SHISA9: variants seen among roughly 807,000 people sequenced by gnomAD.
SHISA9 encodes the protein shisa family member 9, also known as protein shisa-9.
Under a neutral mutation model 38.0 loss-of-function variants are expected in SHISA9, and 13 were observed. The ratio of observed to expected loss-of-function variants is 0.34; its 90% CI spans 0.22 to 0.54. The LOEUF (loss-of-function observed/expected upper bound fraction) is 0.54. SHISA9 is among the 20% of genes least tolerant of loss of function. The probability of loss-of-function intolerance (pLI) is 0.91; values close to 1 mark genes in which losing one functional copy is unlikely to be tolerated. For synonymous variants in SHISA9, 275 were observed against 242.0 expected (o/e 1.14, Z -1.27); for missense variants, 538 against 575.8 (o/e 0.93, Z 0.67).
At chr16:13,123,118 A>C (rs1357401302) in intron 2 of SHISA9, among the ~76,000 whole-genome samples, 1 of 150,866 alleles carries the variant, frequency 6.6e-6, no homozygotes, top group Non-Finnish European at 1.5e-5. Flanking sequence ...TAATGCAAAT[A>C]AACAGGATAG....
intron 1 of SHISA9, among the ~76,000 whole-genome samples, chr16:12,907,152 T>TCCCC (rs1475806392): frequency 4.2e-5 from 2 of 47,158 alleles, no homozygotes; most frequent in African/African-American, 1.4e-4. Context: ...CCTCCCTCCC[T>TCCCC]CCCTCCTTCC....
chr16:13,217,088 G>C (rs1265643197), intron 4 of SHISA9, among the ~76,000 whole-genome samples: 1 of 151,256 alleles, frequency 6.6e-6, no homozygotes, highest in African/African-American at 2.4e-5. Flanking sequence ...TGGCTAACAC[G>C]GTGAAACCCC....
At chr16:13,047,973 C>T (rs985277493) in intron 2 of SHISA9, among the ~76,000 whole-genome samples, 1 of 152,042 alleles carries the variant, frequency 6.6e-6, no homozygotes, top group African/African-American at 2.4e-5. Context: ...TGATTCAGGC[C>T]CTGTCCAGAA....
intron 2 of SHISA9, among the ~76,000 whole-genome samples, chr16:13,101,486 T>A (rs1037801516): frequency 6.6e-6 from 1 of 152,214 alleles, no homozygotes; most frequent in Non-Finnish European, 1.5e-5. Context: ...AGAGAAATAC[T>A]GGTTAGTGCC....
intron 2 of SHISA9, among the ~76,000 whole-genome samples, chr16:12,980,434 C>T (rs2072225269): frequency 1.3e-5 from 2 of 152,096 alleles, no homozygotes; most frequent in Admixed American, 6.5e-5. Flanking sequence ...TTGCATCTAG[C>T]ATTGCTGATG....
chr16:12,912,153 C>T (rs1296061004), intron 1 of SHISA9, among the ~76,000 whole-genome samples: 2 of 111,304 alleles, frequency 1.8e-5, no homozygotes, highest in African/African-American at 6.5e-5. Flanking sequence ...ACATTTCCTT[C>T]CCCATACCAA....
chr16:13,058,137 G>A (rs1389486758), intron 2 of SHISA9, among the ~76,000 whole-genome samples: 1 of 152,188 alleles, frequency 6.6e-6, no homozygotes, highest in Non-Finnish European at 1.5e-5. Flanking sequence ...GGGCTGGGGT[G>A]GGACAAAGCC....
chr16:13,228,577 A>G (rs1276076119), intron 4 of SHISA9, among the ~76,000 whole-genome samples: 1 of 152,184 alleles, frequency 6.6e-6, no homozygotes, highest in Non-Finnish European at 1.5e-5. Context: ...GGATCATTAT[A>G]AGACATTTAA....
the SHISA9 span, among the ~76,000 whole-genome samples, chr16:13,482,015 G>C: frequency 6.6e-6 from 1 of 152,144 alleles, no homozygotes; most frequent in African/African-American, 2.4e-5. Flanking sequence ...CCTCCATTGG[G>C]TACTTGAGCT....
chr16:13,485,786 C>A, the SHISA9 span, among the ~76,000 whole-genome samples: 1 of 152,202 alleles, frequency 6.6e-6, no homozygotes. Context: ...TTCTTCATCT[C>A]TCCACACTGC....
chr16:13,351,856 G>A, the SHISA9 span, among the ~76,000 whole-genome samples: 1 of 152,206 alleles, frequency 6.6e-6, no homozygotes, highest in Non-Finnish European at 1.5e-5. Context: ...CAAGAAACAT[G>A]AGATCAAACA....
At chr16:12,914,085 G>A (rs1224929262) in intron 1 of SHISA9, among the ~76,000 whole-genome samples, 4 of 136,582 alleles carry the variant, frequency 2.9e-5, no homozygotes, top group Non-Finnish European at 4.6e-5. Flanking sequence ...TTGCTCTGTC[G>A]CCCAGGCTGG....
chr16:13,045,766 G>T (rs1315901621), intron 2 of SHISA9, among the ~76,000 whole-genome samples: 2 of 149,916 alleles, frequency 1.3e-5, no homozygotes, highest in Non-Finnish European at 3.0e-5. Flanking sequence ...CCCCCACTGT[G>T]TCCCCCAGGG....
the SHISA9 span, among the ~76,000 whole-genome samples, chr16:13,490,834 G>C: frequency 6.6e-6 from 1 of 152,094 alleles, no homozygotes; most frequent in South Asian, 2.1e-4. Flanking sequence ...ACCAACCAAA[G>C]GTTAACTTTA....
At chr16:13,036,584 T>A (rs1250249493) in intron 2 of SHISA9, among the ~76,000 whole-genome samples, 1 of 152,108 alleles carries the variant, frequency 6.6e-6, no homozygotes. Context: ...TAAAAAGTCA[T>A]CAAAATGTAC....
At chr16:12,916,501 T>A (rs2071258871) in intron 1 of SHISA9, among the ~76,000 whole-genome samples, 187 bp from the exon 2 acceptor site, 1 of 152,190 alleles carries the variant, frequency 6.6e-6, no homozygotes, top group Non-Finnish European at 1.5e-5. Context: ...CTGCGTAAAG[T>A]CCCTATGTAA....
chr16:13,157,937 G>T (rs1264365342), intron 2 of SHISA9, among the ~76,000 whole-genome samples: 2 of 152,210 alleles, frequency 1.3e-5, no homozygotes, highest in Non-Finnish European at 2.9e-5. Flanking sequence ...CTCCTGCTTT[G>T]ACTCATCTCC....
the SHISA9 span, among the ~76,000 whole-genome samples, chr16:13,524,150 T>C: frequency 6.6e-6 from 1 of 152,144 alleles, no homozygotes; most frequent in South Asian, 2.1e-4. Context: ...ATTCTTTTCT[T>C]GAAAGGTGGA....
the SHISA9 span, among the ~76,000 whole-genome samples, chr16:13,517,844 G>A: frequency 1.3e-3 from 192 of 152,344 alleles, no homozygotes; most frequent in African/African-American, 4.4e-3. Flanking sequence ...AAACGAGAGA[G>A]CTAATGGAAG....
Sources: gnomAD v4.1 joint callset for allele counts (sites outside exome capture counted in the v4.1 genomes callset) on GRCh38, gnomAD v4.1.1 for gene constraint, MANE v1.5 for transcripts, NCBI Gene and HGNC (gene_info 2026-07-23, HGNC 2026-07-21) for gene names.